Variants in CXXC4 observed in about 807,000 individuals in gnomAD.
The protein encoded by CXXC4 is CXXC finger protein 4, also known as CXXC-type zinc finger protein 4.
Under a neutral mutation model 20.5 loss-of-function variants are expected in CXXC4, and 5 were observed. The observed-to-expected ratio is 0.24, with a 90% CI of 0.13 to 0.51. The LOEUF is 0.51. Ranked by LOEUF, CXXC4 falls within the 20% of genes least tolerant of loss-of-function variation. The pLI is 0.97. For missense variants in CXXC4, 419 were observed against 496.4 expected (o/e 0.84, Z 1.48); for synonymous variants, 250 against 216.4 (o/e 1.16, Z -1.36).
chr4:104,491,430 C>T lies in CXXC4; in HGVS notation c.373G>A (p.Gly125Arg), dbSNP rs1736867908. Reference sequence around the variant, plus strand: ...CCCCCACCACCCCCGCCCCCGCCTCCGCCGCCGCCGCCGCCGCCGCCACCC... The same window carrying T: ...CCCCCACCACCCCCGCCCCCGCCTCTGCCGCCGCCGCCGCCGCCGCCACCC... ...GGGGGGGGGG[G>R]GGGGGGGGGR... Residue 125 changes from glycine to arginine, a missense_variant, in exon 2 of 3, where the codon GGA (glycine) becomes AGA (arginine). By Grantham distance (125) the Gly-to-Arg change is moderately radical. Coordinates refer to ENST00000394767, the MANE Select transcript of CXXC4 (RefSeq NM_025212.4). 3 of 732,788 alleles carry T rather than the reference C, an allele frequency of 4.1e-6. No homozygotes were observed. The highest frequency in any genetic ancestry group is 5.2e-6 in the Non-Finnish European group (3 of 576,546). 45.4% of individuals were successfully genotyped at this position (732,788 alleles called of 1,614,324 possible).
chr4:104,491,095 A>G lies in CXXC4; in HGVS notation c.708T>C (p.Phe236=). ...IMNLPERVGT[F]SAIPALGGIS... The stretch of plus-strand genomic sequence containing the variant: ...TGCCCCCTAAAGCCGGGATAGCGGA[A>G]AAAGTCCCCACGCGCTCGGGGAGAT... Residue 236 remains phenylalanine (F), a synonymous_variant, in exon 2 of 3, where the codon TTT becomes TTC. Coordinates refer to ENST00000394767, the MANE Select transcript of CXXC4 (RefSeq NM_025212.4). 6.2e-7 allele frequency: 1 copy of G among 1,614,084 alleles called. No homozygotes were observed. Among genetic ancestry groups the G allele is most frequent in the Non-Finnish European group, 8.5e-7 (1 of 1,180,010 alleles).
At chr4:104,478,818 G>A (rs1226446091) in intron 2 of CXXC4, among the ~76,000 whole-genome samples, 2 of 151,920 alleles carry the variant, frequency 1.3e-5, no homozygotes, top group Non-Finnish European at 2.9e-5. Flanking sequence ...AAGAAAATTA[G>A]AAGTAAAATT....
chr4:104,489,293 AT>A (rs1736774473), intron 2 of CXXC4, among the ~76,000 whole-genome samples: 1 of 152,134 alleles, frequency 6.6e-6, no homozygotes. Flanking sequence ...TAATTCTGAT[AT>A]TTTTAGAATC....
intron 1 of CXXC4, among the ~76,000 whole-genome samples, chr4:104,493,143 G>T (rs962687722): frequency 3.3e-5 from 5 of 151,822 alleles, no homozygotes; most frequent in African/African-American, 1.2e-4. Flanking sequence ...ATGTTAACTG[G>T]GTATTTGCAT....
intron 2 of CXXC4, among the ~76,000 whole-genome samples, chr4:104,479,306 G>T (rs1349312367): frequency 6.6e-6 from 1 of 152,136 alleles, no homozygotes; most frequent in African/African-American, 2.4e-5. Flanking sequence ...TATCAAAACT[G>T]TGATTTGAAC....
At chr4:104,489,036 A>T (rs1210472258) in intron 2 of CXXC4, among the ~76,000 whole-genome samples, 1 of 152,212 alleles carries the variant, frequency 6.6e-6, no homozygotes, top group Non-Finnish European at 1.5e-5. Flanking sequence ...AATTTCCCAT[A>T]GTCCTTAGAA....
chr4:104,491,512 G>A lies in CXXC4; in HGVS notation c.291C>T (p.Ala97=). 7.7e-7 allele frequency: 1 copy of A among 1,304,360 alleles called. No individual in the cohort carries two copies. The highest frequency in any genetic ancestry group is 9.9e-7 in the Non-Finnish European group (1 of 1,008,668). The allele number at this position is 1,304,360 out of a possible 1,614,324, so 80.8% of individuals were successfully genotyped here. A position where few individuals can be genotyped will look rare whatever the true frequency, so the allele number is the denominator to read the frequency against. The stretch of plus-strand genomic sequence containing the variant: ...CCCAGAGCATGGCGGTGGCGGCGGC[G>A]GCGGTGGCCGCGTTGTCGCAGTTCC... ...SPWNCDNAAT[A]AAATAMLWGS... The change falls in exon 2 of 3, where the codon GCC becomes GCT. Residue 97 remains alanine, a synonymous_variant. Coordinates refer to ENST00000394767, the MANE Select transcript of CXXC4 (RefSeq NM_025212.4).
At chr4:104,493,876 A>G (rs1362774801) in intron 1 of CXXC4, among the ~76,000 whole-genome samples, 1 of 152,246 alleles carries the variant, frequency 6.6e-6, no homozygotes, top group Non-Finnish European at 1.5e-5. Context: ...AGTTATGTCA[A>G]CCATGCATTA....
intron 2 of CXXC4, among the ~76,000 whole-genome samples, chr4:104,483,652 C>T (rs1736609699): frequency 6.6e-6 from 1 of 151,784 alleles, no homozygotes. Flanking sequence ...ATATTTGTTA[C>T]ATATGTTTTC....
rs1352332742 is a variant in CXXC4, at chr4:104,471,361, G to C, written c.*961C>G. On this transcript the variant is annotated 3_prime_UTR_variant, in exon 3 of 3. Coordinates refer to ENST00000394767, the MANE Select transcript of CXXC4 (RefSeq NM_025212.4). ...ATAAAACGTATACAGCCCATATTGG[G>C]CTGGGGAAAAAATGTCAGTTATAAA... 1 of 151,868 alleles carries C rather than the reference G, an allele frequency of 6.6e-6. No homozygotes were observed. The highest frequency in any genetic ancestry group is 2.4e-5 in the African/African-American group (1 of 41,388). 9.4% of individuals were successfully genotyped at this position (151,868 alleles called of 1,614,324 possible).
intron 2 of CXXC4, 94 bp downstream of exon 2, chr4:104,490,650 A>T: frequency 8.9e-7 from 1 of 1,128,702 alleles, no homozygotes; most frequent in Non-Finnish European, 1.3e-6. Context: ...GAGAAGGGGT[A>T]CTGCATCTTG....
chr4:104,492,239 CG>C (rs1167649748), intron 1 of CXXC4, among the ~76,000 whole-genome samples, 180 bp from the exon 2 acceptor site: 3 of 145,044 alleles, frequency 2.1e-5, no homozygotes, highest in Non-Finnish European at 4.5e-5. Context: ...TCCCAACCCC[CG>C]CTCCCTCCCT....
At chr4:104,482,542 C>G (rs565705163) in intron 2 of CXXC4, among the ~76,000 whole-genome samples, 5 of 152,198 alleles carry the variant, frequency 3.3e-5, no homozygotes, top group Admixed American at 2.0e-4. Context: ...ACATTAAGAT[C>G]ACCACTTATC....
chr4:104,486,606 TTTCTTA>T (rs1215030303), intron 2 of CXXC4, among the ~76,000 whole-genome samples: 1 of 152,128 alleles, frequency 6.6e-6, no homozygotes, highest in Non-Finnish European at 1.5e-5. Flanking sequence ...TGTTGGTAAG[TTTCTTA>T]TTCTTGAGAT....
rs903887264 is a variant in CXXC4, at chr4:104,470,975, T to A, written c.*1347A>T. ...TGTGTAGGTTGTGGGGGGAGGGGTA[T>A]GTCATGCATTTATGAAATTCCAGAG... On this transcript the variant is annotated 3_prime_UTR_variant, in exon 3 of 3. Transcript: ENST00000394767. The A allele has an allele frequency of 6.6e-6, 1 of 151,950 alleles. No individual in the cohort carries two copies. Among genetic ancestry groups the A allele is most frequent in the African/African-American group, 2.4e-5 (1 of 41,374 alleles). 9.4% of individuals were successfully genotyped at this position (151,950 alleles called of 1,614,324 possible). A position where few individuals can be genotyped will look rare whatever the true frequency, so the allele number is the denominator to read the frequency against.
chr4:104,490,442 C>T (rs756359120), intron 2 of CXXC4, among the ~76,000 whole-genome samples: 4 of 152,192 alleles, frequency 2.6e-5, no homozygotes, highest in Non-Finnish European at 5.9e-5. Flanking sequence ...CATTTTAAAC[C>T]ACCAAGGGAA....
intron 2 of CXXC4, among the ~76,000 whole-genome samples, chr4:104,477,197 T>C (rs1294229744): frequency 2.6e-5 from 4 of 152,160 alleles, no homozygotes; most frequent in African/African-American, 9.6e-5. Flanking sequence ...TATTCAATTA[T>C]ATAGATTTTG....
At position 104,491,419 on chromosome 4, in the gene CXXC4, G is replaced by A. The variant is rs1013299161; in HGVS notation, c.384C>T (p.Gly128=). Reference sequence around the variant, plus strand: ...ATTTCCTGCCGCCCCCACCACCCCCGCCCCCGCCTCCGCCGCCGCCGCCGC... The same window carrying A: ...ATTTCCTGCCGCCCCCACCACCCCCACCCCCGCCTCCGCCGCCGCCGCCGC... ...GGGGGGGGGG[G]GGGGGGRKSS... is the part of the protein sequence containing the mutation. Residue 128 remains glycine, a synonymous_variant, in exon 2 of 3, where the codon GGC becomes GGT. Coordinates refer to ENST00000394767, the MANE Select transcript of CXXC4 (RefSeq NM_025212.4). The A allele has an allele frequency of 9.2e-7, 1 of 1,081,618 alleles. No homozygotes were observed. The highest frequency in any genetic ancestry group is 1.2e-6 in the Non-Finnish European group (1 of 864,614). The allele number at this position is 1,081,618 out of a possible 1,614,324, so 67.0% of individuals were successfully genotyped here. A position where few individuals can be genotyped will look rare whatever the true frequency, so the allele number is the denominator to read the frequency against.
chr4:104,491,792 T>C lies in CXXC4; in HGVS notation c.11A>G (p.Asn4Ser), dbSNP rs1736888661. MNT[N>S]VCVEPGPSPE... ...GCTCGGCCCGGGCTCCACGCAGACA[T>C]TGGTGTTCATGGTGCAGGGGGGGAA... The change falls in exon 2 of 3, where the codon AAT becomes AGT. Residue 4 changes from asparagine to serine, a missense_variant. Around this residue, in one of 3 missense-constraint regions of CXXC4, gnomAD observed 388 missense variants for 416.0 expected, o/e 0.93. Transcript: ENST00000394767. 3 of 1,456,918 alleles carry C rather than the reference T, an allele frequency of 2.1e-6. No individual in the cohort carries two copies. The highest frequency in any genetic ancestry group is 9.1e-7 in the Non-Finnish European group (1 of 1,093,832). 90.2% of individuals were successfully genotyped at this position (1,456,918 alleles called of 1,614,324 possible). A position where few individuals can be genotyped will look rare whatever the true frequency, so the allele number is the denominator to read the frequency against.
Sources: gnomAD v4.1 joint callset for allele counts (sites outside exome capture counted in the v4.1 genomes callset) on GRCh38, gnomAD v4.1.1 for gene constraint, gnomAD v4.1.1 regional missense constraint, MANE v1.5 for transcripts, NCBI Gene and HGNC (gene_info 2026-07-23, HGNC 2026-07-21) for gene names.